Variants in DNAH10 observed in about 807,000 individuals in gnomAD.
DNAH10 encodes the protein axonemal beta dynein heavy chain 10.
Under a neutral mutation model 506.6 loss-of-function variants are expected in DNAH10, and 348 were observed. That is an observed-to-expected ratio of 0.69 (90% CI 0.63 to 0.75). The LOEUF (loss-of-function observed/expected upper bound fraction) is 0.75, where lower values mean the gene tolerates loss of function less well. DNAH10 is among the 30% of genes least tolerant of loss of function. The pLI is 0.00. For missense variants in DNAH10, 5,179 were observed against 5,787.1 expected, an observed-to-expected ratio of 0.89 and a Z score of 3.41; for synonymous variants, 2,059 against 2,198.6, an observed-to-expected ratio of 0.94 and a Z score of 1.78.
At chr12:123,879,926 C>A in intron 50 of DNAH10, 125 bp downstream of exon 50, 2 of 1,152,020 alleles carry the variant, frequency 1.7e-6, no homozygotes, top group Non-Finnish European at 2.4e-6. Flanking sequence ...GCTTGAAATA[C>A]GGGCTTGTGT....
At chr12:123,784,885 A>G (rs1957791158) in intron 8 of DNAH10, among the ~76,000 whole-genome samples, 1 of 152,154 alleles carries the variant, frequency 6.6e-6, no homozygotes, top group African/African-American at 2.4e-5. Context: ...TTCAAGGTTC[A>G]CCTGTGTTGT....
At chr12:123,908,483 TTC>T in intron 57 of DNAH10, 1 of 456,254 alleles carries the variant, frequency 2.2e-6, no homozygotes, top group Non-Finnish European at 4.4e-6. Context: ...TCTCTTCCAC[TTC>T]TGTCTTTCCA....
intron 1 of DNAH10, among the ~76,000 whole-genome samples, chr12:123,763,738 A>AT (rs1956916309): frequency 6.6e-6 from 1 of 151,072 alleles, no homozygotes; most frequent in African/African-American, 2.4e-5. Flanking sequence ...TAATTTTTAT[A>AT]TTTTTGGTAG....
Position 123,838,806 on chromosome 12 carries a change from G to C in DNAH10, c.5136+117G>C, listed in dbSNP as rs1003351656. 6 of 980,420 alleles carry C rather than the reference G, an allele frequency of 6.1e-6. No homozygotes were observed. The Admixed American group carries it at 7.4e-5, about 12-fold the overall frequency. The allele number at this position is 980,420 out of a possible 1,614,324, so 60.7% of individuals were successfully genotyped here. On this transcript the variant is annotated intron_variant, in intron 29 of 78. Transcript: ENST00000673944. ...GAGGGTTAAGACTGAAATGCTGCTG[G>C]AGTTGGTTTTTTGGTTTGTTTTTTG...
chr12:123,853,082 A>G lies in DNAH10; in HGVS notation c.6292-124A>G. The G allele has an allele frequency of 9.3e-7, 1 of 1,073,934 alleles. No individual in the cohort carries two copies. The allele number at this position is 1,073,934 out of a possible 1,614,324, so 66.5% of individuals were successfully genotyped here. A position where few individuals can be genotyped will look rare whatever the true frequency, so the allele number is the denominator to read the frequency against. ...TGGAAGTTAGAGATGGAATTTGCTT[A>G]TTTGTAGAGCAGCTGCACTGGAACA... On this transcript the variant is annotated intron_variant, in intron 35 of 78. Transcript: ENST00000673944. This position sits in a 1 kb window ranked among gnomAD's most constrained non-coding sequence, Gnocchi z 4.7.
intron 24 of DNAH10, among the ~76,000 whole-genome samples, chr12:123,823,018 A>G (rs1457098252): frequency 6.6e-6 from 1 of 152,214 alleles, no homozygotes; most frequent in African/African-American, 2.4e-5. Context: ...TGAACAAATA[A>G]CCACGCCCCC....
intron 46 of DNAH10, among the ~76,000 whole-genome samples, chr12:123,874,208 C>G (rs1299313582): frequency 6.6e-6 from 1 of 152,180 alleles, no homozygotes; most frequent in East Asian, 1.9e-4. Flanking sequence ...TTCATTGAAC[C>G]ATTTTTTTCT....
chr12:123,773,956 C>T (rs1020537123), intron 4 of DNAH10, among the ~76,000 whole-genome samples, 193 bp from the exon 5 acceptor site: 2 of 152,230 alleles, frequency 1.3e-5, no homozygotes, highest in Non-Finnish European at 2.9e-5. Context: ...AACCACAGTG[C>T]ATTGGTATCC....
chr12:123,783,877 G>A lies in DNAH10; in HGVS notation c.1000-70G>A, dbSNP rs138274885. On this transcript the variant is annotated intron_variant, in intron 7 of 78. Coordinates refer to ENST00000673944, the MANE Select transcript of DNAH10 (RefSeq NM_001372106.1). ...AGTTGGACAGAAAGAACGGATGCTG[G>A]AGAAACCACCATAAGTGTCTGCTCC... 1.8e-4 allele frequency: 251 copies of A among 1,422,560 alleles called. 1 individual carries two copies. The highest frequency in any genetic ancestry group is 1.3e-3 in the Middle Eastern group (7 of 5,232). 88.1% of individuals were successfully genotyped at this position (1,422,560 alleles called of 1,614,324 possible).
intron 30 of DNAH10, among the ~76,000 whole-genome samples, chr12:123,843,490 G>A (rs945005427): frequency 6.6e-6 from 1 of 152,190 alleles, no homozygotes; most frequent in Non-Finnish European, 1.5e-5. Flanking sequence ...ATGGATATAA[G>A]TGATCTTTAG....
intron 32 of DNAH10, among the ~76,000 whole-genome samples, chr12:123,847,665 C>T (rs913287330): frequency 6.6e-6 from 1 of 152,226 alleles, no homozygotes; most frequent in African/African-American, 2.4e-5. Context: ...TAACCTCCCT[C>T]CATCCTTCTG....
At chr12:123,788,904 G>A (rs1297294726) in intron 10 of DNAH10, among the ~76,000 whole-genome samples, 3 of 143,126 alleles carry the variant, frequency 2.1e-5, no homozygotes, top group African/African-American at 7.9e-5. Flanking sequence ...CAGCCTGGGC[G>A]ACAGAGTGAG....
chr12:123,924,114 G>C, intron 66 of DNAH10, 164 bp from the exon 67 acceptor site: 1 of 951,942 alleles, frequency 1.1e-6, no homozygotes, highest in Non-Finnish European at 1.5e-6. Flanking sequence ...CTGAGCGCCT[G>C]GTTGGTGTCA....
Position 123,793,944 on chromosome 12 carries a change from T to C in DNAH10, c.1818T>C (p.Val606=). The C allele has an allele frequency of 8.2e-7, 1 of 1,214,920 alleles. No homozygotes were observed. Among genetic ancestry groups the C allele is most frequent in the South Asian group, 1.5e-5 (1 of 67,866 alleles). 75.3% of individuals were successfully genotyped at this position (1,214,920 alleles called of 1,614,324 possible). ...VMDEFKIEVL[V]IEKEAKHFID... ...TTGTTTTGTTGATTTTTTTGCAGGT[T>C]ATTGAGAAAGAAGCAAAACATTTTA... Residue 606 remains valine (V), a splice_region_variant and synonymous_variant, in exon 12 of 79, where the codon GTT becomes GTC. Transcript: ENST00000673944.
chr12:123,826,982 G>T, intron 25 of DNAH10, 84 bp downstream of exon 25: 2 of 1,254,892 alleles, frequency 1.6e-6, no homozygotes. Context: ...ATTATCTTTG[G>T]TCTGATGATG....
intron 50 of DNAH10, 134 bp downstream of exon 50, chr12:123,879,935 G>A (rs1399387535): frequency 4.7e-6 from 5 of 1,071,010 alleles, no homozygotes; most frequent in Non-Finnish European, 5.4e-6. Flanking sequence ...ACGGGCTTGT[G>A]TCTGGTCCGG....
chr12:123,898,770 C>T lies in DNAH10; in HGVS notation c.9596C>T (p.Ala3199Val). The change falls in exon 56 of 79, where the codon GCC (alanine) becomes GTC (valine). Residue 3199 changes from alanine to valine, a missense_variant. Physicochemically the swap from Ala to Val is moderately conservative, Grantham distance 64. Transcript: ENST00000673944. ...QKIVLAEKSAACEALLEEIAV... is the reference protein window; with the variant it reads ...QKIVLAEKSAVCEALLEEIAV... ...ATCGTGCTGGCGGAGAAGTCCGCCG[C>T]CTGCGAGGCCTTGCTGGAGGAGATC... 11 of 1,612,482 alleles carry T rather than the reference C, an allele frequency of 6.8e-6. No individual in the cohort carries two copies. Among genetic ancestry groups the T allele is most frequent in the Non-Finnish European group, 9.3e-6 (11 of 1,179,482 alleles).
intron 17 of DNAH10, among the ~76,000 whole-genome samples, chr12:123,804,091 T>C (rs982969270): frequency 6.6e-6 from 1 of 152,186 alleles, no homozygotes; most frequent in African/African-American, 2.4e-5. Flanking sequence ...GAGGGCTCAC[T>C]ATGTTGCCCA....
chr12:123,793,893 G>T, intron 11 of DNAH10, 49 bp from the exon 12 acceptor site: 1 of 1,098,790 alleles, frequency 9.1e-7, no homozygotes, highest in Non-Finnish European at 1.1e-6. Context: ...CTTTATTTTG[G>T]CAGGATAATT....
Sources: gnomAD v4.1 joint callset for allele counts (sites outside exome capture counted in the v4.1 genomes callset) on GRCh38, gnomAD v4.1.1 for gene constraint, Gnocchi (gnomAD v3.1) non-coding constraint, MANE v1.5 for transcripts, NCBI Gene and HGNC (gene_info 2026-07-23, HGNC 2026-07-21) for gene names.